STX18: variants seen among roughly 807,000 people sequenced by gnomAD.
The protein encoded by STX18 is syntaxin-18.
In STX18, 40 loss-of-function variants were observed where a neutral mutation model predicts 50.1. That is an observed-to-expected ratio of 0.80 (90% CI 0.62 to 1.04). The LOEUF is 1.04. STX18 is among the 50% of genes least tolerant of loss of function. STX18 has a pLI of 0.00. For missense variants in STX18, 410 were observed against 415.8 expected (o/e 0.99, Z 0.12); for synonymous variants, 158 against 151.8 (o/e 1.04, Z -0.30).
At chr4:4,485,869 G>A (rs1357787185) in intron 1 of STX18, among the ~76,000 whole-genome samples, 4 of 152,100 alleles carry the variant, frequency 2.6e-5, no homozygotes, top group African/African-American at 7.2e-5. Context: ...CGATGCTACT[G>A]GTACTTTCCT....
chr4:4,523,019 C>T (rs747075069), intron 1 of STX18, among the ~76,000 whole-genome samples: 1 of 152,190 alleles, frequency 6.6e-6, no homozygotes, highest in Non-Finnish European at 1.5e-5. Flanking sequence ...TTTCAAGGTG[C>T]TTTACTCAAA....
chr4:4,459,386 T>C lies in STX18; in HGVS notation c.338A>G (p.Gln113Arg), dbSNP rs778058740. The change falls in exon 3 of 11, where the codon CAA becomes CGA. Residue 113 changes from glutamine (Q) to arginine (R), a missense_variant. Coordinates refer to ENST00000306200, the MANE Select transcript of STX18 (RefSeq NM_016930.4). Reference protein sequence around the residue: ...FMRTCSEAIQQLRTEAHKEIH... With the variant: ...FMRTCSEAIQRLRTEAHKEIH... ...GAGCACTTTACCTTCTGTTCGTAGT[T>C]GCTGAATTGCTTCTGAACAGGTCCT... The C allele has an allele frequency of 8.7e-6, 14 of 1,613,866 alleles. No homozygotes were observed. Among genetic ancestry groups the C allele is most frequent in the Non-Finnish European group, 1.2e-5 (14 of 1,179,748 alleles).
chr4:4,445,611 T>C (rs1482808468), intron 5 of STX18, among the ~76,000 whole-genome samples: 1 of 150,934 alleles, frequency 6.6e-6, no homozygotes, highest in African/African-American at 2.4e-5. Flanking sequence ...AATCCAGGAA[T>C]AAATCTAACA....
chr4:4,432,682 T>A lies in STX18; in HGVS notation c.702+2088A>T, dbSNP rs1725575462. Among the ~76,000 whole-genome samples, 7 of 152,346 alleles carry A rather than the reference T, an allele frequency of 4.6e-5. No homozygotes were observed. The South Asian group carries it at 1.4e-3, about 32-fold the overall frequency. ...TGCAATGATGAGGCTGCGTGTGGAC[T>A]CCAGTCAGACAGTACACTGTTCCCA... On this transcript the variant is annotated intron_variant, in intron 7 of 10. Coordinates refer to ENST00000306200, the MANE Select transcript of STX18 (RefSeq NM_016930.4).
intron 3 of STX18, 24 bp from the exon 4 acceptor site, chr4:4,457,524 C>T (rs754995865): frequency 3.8e-6 from 6 of 1,571,450 alleles, no homozygotes; most frequent in Non-Finnish European, 5.2e-6. Flanking sequence ...AGACAATGTT[C>T]AGGCCTTCGC....
intron 1 of STX18, among the ~76,000 whole-genome samples, chr4:4,474,701 T>C (rs1056524008): frequency 1.3e-5 from 2 of 152,110 alleles, no homozygotes; most frequent in Non-Finnish European, 2.9e-5. Context: ...CTCATTCCAA[T>C]GTTGCTGGTT....
At chr4:4,483,943 C>A (rs573763538) in intron 1 of STX18, among the ~76,000 whole-genome samples, 2 of 152,200 alleles carry the variant, frequency 1.3e-5, no homozygotes, top group South Asian at 4.1e-4. Context: ...CTCACTGCAA[C>A]CTCCACCTCC....
chr4:4,530,593 A>AAAAAG (rs951755340), intron 1 of STX18, among the ~76,000 whole-genome samples: 2 of 152,210 alleles, frequency 1.3e-5, no homozygotes, highest in South Asian at 2.1e-4. Context: ...GCTTTGTGAA[A>AAAAAG]AAAAGAAAAG....
chr4:4,516,989 A>G (rs1730296953), intron 1 of STX18, among the ~76,000 whole-genome samples: 2 of 152,246 alleles, frequency 1.3e-5, no homozygotes, highest in African/African-American at 4.8e-5. Flanking sequence ...AATTTGTATG[A>G]ACATTTGTGG....
At chr4:4,530,615 T>G (rs1245156714) in intron 1 of STX18, among the ~76,000 whole-genome samples, 1 of 152,156 alleles carries the variant, frequency 6.6e-6, no homozygotes, top group Non-Finnish European at 1.5e-5. Flanking sequence ...AAAGAAACAC[T>G]GCTGCTGCAA....
At chr4:4,442,401 A>G (rs1008382382) in intron 5 of STX18, among the ~76,000 whole-genome samples, 3 of 152,130 alleles carry the variant, frequency 2.0e-5, no homozygotes, top group African/African-American at 7.2e-5. Context: ...AGGAGGGCGA[A>G]TCACTTGAGG....
chr4:4,533,826 A>C (rs1358454891), intron 1 of STX18, among the ~76,000 whole-genome samples: 1 of 152,220 alleles, frequency 6.6e-6, no homozygotes, highest in Non-Finnish European at 1.5e-5. Flanking sequence ...GGAAAGAGGG[A>C]ACTCTTTGAC....
rs748591147 is a variant in STX18 at position 4,541,973 on chromosome 4, G to T, written c.-9C>A. ...GTGATGTCCACCGCCATAGCGACCC[G>T]CACCCTCAGCCCCACACTAGGCCCG... On this transcript the variant is annotated 5_prime_UTR_variant, in exon 1 of 11. Transcript: ENST00000306200. The T allele has an allele frequency of 1.3e-6, 2 of 1,595,348 alleles. No homozygotes were observed. The highest frequency in any genetic ancestry group is 3.4e-5 in the Admixed American group (2 of 58,572).
intron 2 of STX18, among the ~76,000 whole-genome samples, chr4:4,468,978 C>T (rs1319907526): frequency 6.6e-6 from 1 of 152,174 alleles, no homozygotes; most frequent in Non-Finnish European, 1.5e-5. Flanking sequence ...TACTGGTATA[C>T]ACAACATGCA....
rs567578725 is a variant in STX18, at chr4:4,454,451, C to A, written c.497+2740G>T. On this transcript the variant is annotated intron_variant, in intron 5 of 10. Transcript: ENST00000306200. ...AATCTCTTCTTACTTTACTTGGGTA[C>A]CTGTGAAGTCCACTTGGGATAGTGA... Among the ~76,000 whole-genome samples the A allele has an allele frequency of 1.1e-3, 160 of 152,258 alleles. No individual in the cohort carries two copies. The Middle Eastern group carries it at 0.031, about 29-fold the overall frequency.
At chr4:4,457,140 T>C in intron 5 of STX18, 51 bp downstream of exon 5, 1 of 1,505,244 alleles carries the variant, frequency 6.6e-7, no homozygotes, top group Non-Finnish European at 9.2e-7. Flanking sequence ...TAACTGCTAT[T>C]ATTAGTAGTA....
rs139025145 is a variant in STX18 at position 4,476,800 on chromosome 4, T to A, written c.169-5094A>T. 2.0e-3 allele frequency among the ~76,000 whole-genome samples: 300 copies of A among 152,136 alleles called. 4 individuals are homozygous for A. Among genetic ancestry groups the A allele is most frequent in the East Asian group, 0.011 (59 of 5,178 alleles). On this transcript the variant is annotated intron_variant, in intron 1 of 10. Transcript: ENST00000306200. ...GAGGTAACAGATGCAACAGGATGAG[T>A]CCTGAGTTGCTCAAGGCTGAAGGTG...
intron 9 of STX18, 147 bp from the exon 10 acceptor site, chr4:4,421,091 G>T: frequency 2.7e-6 from 2 of 729,496 alleles, no homozygotes; most frequent in Non-Finnish European, 4.6e-6. Context: ...ACATTTTGAA[G>T]TTTAGGGATG....
chr4:4,427,597 C>A (rs1325977707), intron 7 of STX18, among the ~76,000 whole-genome samples: 3 of 152,214 alleles, frequency 2.0e-5, no homozygotes, highest in African/African-American at 4.8e-5. Flanking sequence ...CCTTTTAAAT[C>A]CACAGTCCCT....
Sources: gnomAD v4.1 joint callset for allele counts (sites outside exome capture counted in the v4.1 genomes callset) on GRCh38, gnomAD v4.1.1 for gene constraint, MANE v1.5 for transcripts, NCBI Gene and HGNC (gene_info 2026-07-23, HGNC 2026-07-21) for gene names.